The following SH2D4A variants were observed in gnomAD, a reference collection of about 807,000 sequenced individuals.
SH2D4A encodes SH2 domain containing 4A.
A neutral mutation model predicts 64.7 loss-of-function variants in SH2D4A; 70 were observed. The observed-to-expected ratio is 1.08, with a 90% CI of 0.89 to 1.32. The LOEUF is 1.32. Ranked by LOEUF, SH2D4A falls within the 40% of genes most tolerant of loss-of-function variation. SH2D4A has a pLI of 0.00. For missense variants in SH2D4A, 706 were observed against 540.1 expected (o/e 1.31, Z -3.04); for synonymous variants, 268 against 200.7 (o/e 1.34, Z -2.83).
At chr8:19,383,437 T>C (rs748870422) in intron 8 of SH2D4A, among the ~76,000 whole-genome samples, 26 of 152,044 alleles carry the variant, frequency 1.7e-4, no homozygotes, top group Non-Finnish European at 3.1e-4. Flanking sequence ...ACTTACATTT[T>C]GTGCATACGT....
chr8:19,336,701 C>T lies in SH2D4A; in HGVS notation c.513+1844C>T, dbSNP rs1169117808. Reference sequence around the variant, plus strand: ...AGAGACAGTGAGACCCCCATCTCTACAAAAAATTAAAAAAAAACAGCCAAG... The same window carrying T: ...AGAGACAGTGAGACCCCCATCTCTATAAAAAATTAAAAAAAAACAGCCAAG... On this transcript the variant is annotated intron_variant, in intron 4 of 9. Coordinates refer to ENST00000265807, the MANE Select transcript of SH2D4A (RefSeq NM_022071.4). Among the ~76,000 whole-genome samples, 6 of 151,810 alleles carry T rather than the reference C, an allele frequency of 4.0e-5. No individual in the cohort carries two copies. The East Asian group carries it at 9.7e-4, about 25-fold the overall frequency.
At chr8:19,353,702 G>C (rs1449847081) in intron 4 of SH2D4A, among the ~76,000 whole-genome samples, 1 of 127,124 alleles carries the variant, frequency 7.9e-6, no homozygotes, top group Non-Finnish European at 1.7e-5. Flanking sequence ...TTTTAATAAA[G>C]GAAATAACTT....
chr8:19,343,471 G>C (rs2052560412), intron 4 of SH2D4A, among the ~76,000 whole-genome samples: 1 of 151,724 alleles, frequency 6.6e-6, no homozygotes, highest in Non-Finnish European at 1.5e-5. Context: ...AACTTGCCTT[G>C]TTTATCTCAT....
chr8:19,314,635 A>G (rs1338202155), intron 1 of SH2D4A, among the ~76,000 whole-genome samples: 20 of 152,154 alleles, frequency 1.3e-4, no homozygotes, highest in Admixed American at 1.3e-3. Context: ...CCCCCTTTCA[A>G]ACAGATGCTC....
intron 8 of SH2D4A, among the ~76,000 whole-genome samples, chr8:19,390,818 G>A (rs1424428912): frequency 1.3e-5 from 2 of 152,212 alleles, no homozygotes; most frequent in East Asian, 1.9e-4. Flanking sequence ...TAAGGCTAAG[G>A]GGCTTTTGGA....
At chr8:19,357,928 C>G (rs1192909142) in intron 5 of SH2D4A, among the ~76,000 whole-genome samples, 1 of 151,996 alleles carries the variant, frequency 6.6e-6, no homozygotes, top group Admixed American at 6.6e-5. Context: ...AGAGAAGGTT[C>G]CTGAGATCGG....
At chr8:19,359,393 C>A (rs2052843723) in intron 5 of SH2D4A, among the ~76,000 whole-genome samples, 3 of 152,164 alleles carry the variant, frequency 2.0e-5, no homozygotes, top group Admixed American at 2.0e-4. Flanking sequence ...TTCCAAATTT[C>A]TTGCTTATCC....
chr8:19,369,305 G>A (rs1024261725), intron 7 of SH2D4A, among the ~76,000 whole-genome samples: 2 of 151,846 alleles, frequency 1.3e-5, no homozygotes, highest in African/African-American at 2.4e-5. Context: ...TTCTTTTTTT[G>A]TTGTGTCTTT....
At chr8:19,358,804 G>A (rs1347181919) in intron 5 of SH2D4A, among the ~76,000 whole-genome samples, 1 of 152,184 alleles carries the variant, frequency 6.6e-6, no homozygotes, top group African/African-American at 2.4e-5. Context: ...TTCTGAACGG[G>A]CCCAGCGGCT....
chr8:19,352,832 C>G (rs1451832876), intron 4 of SH2D4A, among the ~76,000 whole-genome samples: 1 of 151,954 alleles, frequency 6.6e-6, no homozygotes, highest in Non-Finnish European at 1.5e-5. Flanking sequence ...TATAGTGAGA[C>G]CTTGTCTCTA....
intron 1 of SH2D4A, chr8:19,314,117 G>A: frequency 1.8e-6 from 2 of 1,139,622 alleles, no homozygotes; most frequent in Non-Finnish European, 2.2e-6. Context: ...GCTTGCAGGG[G>A]GTGGCGGGGG....
intron 4 of SH2D4A, among the ~76,000 whole-genome samples, chr8:19,335,481 CA>C (rs2117215172): frequency 6.6e-6 from 1 of 152,280 alleles, no homozygotes; most frequent in East Asian, 1.9e-4. Context: ...TCTGTTACAG[CA>C]GAGGTTGGCA....
chr8:19,376,263 C>T (rs1421910449), intron 8 of SH2D4A, among the ~76,000 whole-genome samples: 1 of 152,182 alleles, frequency 6.6e-6, no homozygotes, highest in Non-Finnish European at 1.5e-5. Flanking sequence ...AGGCCTTCAA[C>T]TGACTGGACG....
At chr8:19,350,799 C>T (rs1450971254) in intron 4 of SH2D4A, among the ~76,000 whole-genome samples, 1 of 152,154 alleles carries the variant, frequency 6.6e-6, no homozygotes, top group East Asian at 1.9e-4. Context: ...TTTAGTGAAA[C>T]ATGTGCCATA....
At chr8:19,372,844 C>CT (rs796447159) in intron 7 of SH2D4A, among the ~76,000 whole-genome samples, 2,053 of 140,910 alleles carry the variant, frequency 0.015, 27 homozygotes, top group East Asian at 0.045. Context: ...TATTTCTTTA[C>CT]TTTTTTTTTT....
chr8:19,331,775 G>A (rs1439413360), intron 2 of SH2D4A, among the ~76,000 whole-genome samples: 1 of 152,158 alleles, frequency 6.6e-6, no homozygotes, highest in African/African-American at 2.4e-5. Flanking sequence ...AGCAACCCTA[G>A]GTAGTAAATA....
rs1261980270 is a variant in SH2D4A, at chr8:19,319,752, G to C, written c.181+24G>C. 3 of 1,539,098 alleles carry C rather than the reference G, an allele frequency of 1.9e-6. No homozygotes were observed. The East Asian group carries it at 7.0e-5, about 36-fold the overall frequency. On this transcript the variant is annotated intron_variant, in intron 2 of 9. Transcript: ENST00000265807. ...AGGTAAACTTATCCACGTTTCTTCT[G>C]TGGATGTGTTGGTAGAACAGCTCCT...
chr8:19,393,246 A>C, intron 8 of SH2D4A, 72 bp from the exon 9 acceptor site: 1 of 1,361,690 alleles, frequency 7.3e-7, no homozygotes, highest in Non-Finnish European at 1.0e-6. Context: ...ATATCCATGC[A>C]GCTGGATTTA....
At chr8:19,329,681 C>A (rs1050804295) in intron 2 of SH2D4A, among the ~76,000 whole-genome samples, 2 of 152,124 alleles carry the variant, frequency 1.3e-5, no homozygotes, top group African/African-American at 4.8e-5. Flanking sequence ...GGGGCAGTTT[C>A]CCCCATACTG....
Sources: allele counts gnomAD v4.1 joint callset (sites outside exome capture counted in the v4.1 genomes callset), GRCh38; gene constraint gnomAD v4.1.1; transcripts MANE v1.5; gene names NCBI Gene and HGNC (gene_info 2026-07-23, HGNC 2026-07-21).